CADM1: variants seen among roughly 807,000 people sequenced by gnomAD.
CADM1 encodes the protein cell adhesion molecule 1.
In CADM1, 15 loss-of-function variants were observed where a neutral mutation model predicts 53.1. That is an observed-to-expected ratio of 0.28 (90% CI 0.19 to 0.44). The LOEUF (loss-of-function observed/expected upper bound fraction) is 0.44. Among genes scored for constraint, CADM1 ranks in the 20% least tolerant of loss-of-function variants. CADM1 has a pLI of 1.00. For missense variants in CADM1, 434 were observed against 611.3 expected, an observed-to-expected ratio of 0.71 and a Z score of 3.06; for synonymous variants, 281 against 243.0, an observed-to-expected ratio of 1.16 and a Z score of -1.45.
At chr11:115,256,762 G>C in intron 1 of CADM1, 1 of 455,320 alleles carries the variant, frequency 2.2e-6, no homozygotes, top group Non-Finnish European at 4.4e-6. Flanking sequence ...TATGGCAATT[G>C]CAATAGGTTC....
At chr11:115,241,467 G>T (rs1565319345) in intron 1 of CADM1, among the ~76,000 whole-genome samples, 1 of 152,218 alleles carries the variant, frequency 6.6e-6, no homozygotes, top group African/African-American at 2.4e-5. Flanking sequence ...CAATTGGGAA[G>T]GGGAGAGAGA....
At chr11:115,361,192 G>A (rs575240032) in intron 1 of CADM1, among the ~76,000 whole-genome samples, 2 of 152,230 alleles carry the variant, frequency 1.3e-5, no homozygotes, top group South Asian at 2.1e-4. Flanking sequence ...TTGAATCACC[G>A]TCAATATCTA....
intron 1 of CADM1, among the ~76,000 whole-genome samples, chr11:115,340,509 G>T (rs1350168600): frequency 7.1e-6 from 1 of 141,688 alleles, no homozygotes; most frequent in South Asian, 2.3e-4. Context: ...TTGGGGTGGG[G>T]TTGTGGAAAG....
At chr11:115,220,077 C>A (rs983097424) in intron 5 of CADM1, among the ~76,000 whole-genome samples, 4 of 152,116 alleles carry the variant, frequency 2.6e-5, no homozygotes, top group Non-Finnish European at 5.9e-5. Flanking sequence ...TACAGAAAGG[C>A]TACGTTTTTC....
intron 7 of CADM1, among the ~76,000 whole-genome samples, chr11:115,211,431 AT>A (rs1940952593): frequency 6.9e-6 from 1 of 144,668 alleles, no homozygotes; most frequent in Non-Finnish European, 1.5e-5. Context: ...GAAAAGGAAC[AT>A]TTGTTCCTGG....
chr11:115,253,247 G>A (rs1248417885), intron 1 of CADM1, among the ~76,000 whole-genome samples: 2 of 152,200 alleles, frequency 1.3e-5, no homozygotes, highest in Non-Finnish European at 2.9e-5. Flanking sequence ...CGGCTTGCAC[G>A]TGTCCTCTGC....
intron 1 of CADM1, among the ~76,000 whole-genome samples, chr11:115,310,229 G>A (rs1384634826): frequency 6.6e-6 from 1 of 152,022 alleles, no homozygotes. Flanking sequence ...AGAGAAAATG[G>A]AAATGTCCAA....
intron 1 of CADM1, among the ~76,000 whole-genome samples, chr11:115,428,254 T>C (rs1044577702): frequency 1.3e-5 from 2 of 152,158 alleles, no homozygotes; most frequent in Non-Finnish European, 2.9e-5. Context: ...GCTATCTAGA[T>C]ATTTATGGGT....
chr11:115,399,058 T>C (rs890880545), intron 1 of CADM1: 1 of 152,218 alleles, frequency 6.6e-6, no homozygotes, highest in Non-Finnish European at 1.5e-5. Flanking sequence ...TGATTTAATC[T>C]TCCCAACAAT....
At chr11:115,384,831 A>G (rs140288642) in intron 1 of CADM1, among the ~76,000 whole-genome samples, 1 of 152,340 alleles carries the variant, frequency 6.6e-6, no homozygotes, top group East Asian at 1.9e-4. Context: ...ATATAAATCC[A>G]CAACTGGCAT....
Position 115,198,452 on chromosome 11 carries a change from C to G in CADM1, c.1079-14G>C. 1 of 1,593,860 alleles carries G rather than the reference C, an allele frequency of 6.3e-7. No homozygotes were observed. Among genetic ancestry groups the G allele is most frequent in the Non-Finnish European group, 8.5e-7 (1 of 1,177,778 alleles). ...TCGCCGTTGTGTCTACAGACGGGAACAGAGGATTGGAGGAAGGGAAGAAAC... is the reference window on the plus strand; with the variant it reads ...TCGCCGTTGTGTCTACAGACGGGAAGAGAGGATTGGAGGAAGGGAAGAAAC... On this transcript the variant is annotated splice_polypyrimidine_tract_variant and intron_variant, in intron 8 of 11. Coordinates refer to ENST00000331581, the MANE Select transcript of CADM1 (RefSeq NM_001301043.2).
At chr11:115,424,799 T>A (rs1431490527) in intron 1 of CADM1, among the ~76,000 whole-genome samples, 1 of 152,040 alleles carries the variant, frequency 6.6e-6, no homozygotes, top group Non-Finnish European at 1.5e-5. Flanking sequence ...GTGCTGGGAT[T>A]TCAGGCATGA....
Position 115,475,116 on chromosome 11 carries a change from T to C in CADM1, c.124+29155A>G, listed in dbSNP as rs766182358. Among the ~76,000 whole-genome samples, 4 of 152,310 alleles carry C rather than the reference T, an allele frequency of 2.6e-5. No individual in the cohort carries two copies. In the South Asian group the frequency reaches 6.2e-4, roughly 24 times the overall value. On this transcript the variant is annotated intron_variant, in intron 1 of 11. Coordinates refer to ENST00000331581, the MANE Select transcript of CADM1 (RefSeq NM_001301043.2). ...AATCCTCAGATGCTCGAGTCGCTTA[T>C]ATAAAATGGTATACTATTTGCATAG... is the stretch of plus-strand genomic sequence containing the variant.
chr11:115,179,075 C>A (rs572025587), intron 10 of CADM1: 30 of 400,736 alleles, frequency 7.5e-5, no homozygotes, highest in African/African-American at 3.9e-4. Context: ...CTAGTCTTAG[C>A]GTTCACTCTG....
intron 1 of CADM1, among the ~76,000 whole-genome samples, chr11:115,368,682 G>A (rs1446116602): frequency 6.6e-6 from 1 of 151,786 alleles, no homozygotes; most frequent in African/African-American, 2.4e-5. Context: ...ATCCATCTTT[G>A]GGTTAACATG....
At chr11:115,187,265 C>T (rs1268702169) in intron 10 of CADM1, among the ~76,000 whole-genome samples, 1 of 152,086 alleles carries the variant, frequency 6.6e-6, no homozygotes, top group Non-Finnish European at 1.5e-5. Flanking sequence ...AAGAGTTCCC[C>T]CTAAATGGTA....
intron 1 of CADM1, among the ~76,000 whole-genome samples, chr11:115,400,985 T>C (rs1056029372): frequency 3.9e-5 from 6 of 152,018 alleles, no homozygotes; most frequent in Non-Finnish European, 8.8e-5. Flanking sequence ...TCAGCAATAA[T>C]GCTCCTTGGT....
chr11:115,480,819 C>T (rs1447695865), intron 1 of CADM1, among the ~76,000 whole-genome samples: 1 of 152,098 alleles, frequency 6.6e-6, no homozygotes, highest in Admixed American at 6.5e-5. Flanking sequence ...TCCCTCCAGG[C>T]CTCAGCCCTG....
At chr11:115,363,261 G>A (rs991801494) in intron 1 of CADM1, among the ~76,000 whole-genome samples, 16 of 152,232 alleles carry the variant, frequency 1.1e-4, no homozygotes, top group African/African-American at 3.6e-4. Context: ...CTTAAATCGA[G>A]GTCATTATTA....
Sources: gnomAD v4.1 joint callset for allele counts (sites outside exome capture counted in the v4.1 genomes callset) on GRCh38, gnomAD v4.1.1 for gene constraint, MANE v1.5 for transcripts, NCBI Gene and HGNC (gene_info 2026-07-23, HGNC 2026-07-21) for gene names.